Variants in XIRP2 observed in about 807,000 individuals in gnomAD.
XIRP2 encodes xin actin-binding repeat-containing protein 2.
Under a neutral mutation model 277.0 loss-of-function variants are expected in XIRP2, and 236 were observed. That is an observed-to-expected ratio of 0.85 (90% CI 0.77 to 0.95). The LOEUF is 0.95. Among genes scored for constraint, XIRP2 ranks in the 40% least tolerant of loss-of-function variants. The pLI, the probability that XIRP2 is intolerant of heterozygous loss-of-function variation, is 0.00. For synonymous variants in XIRP2, 1,490 were observed against 1,416.5 expected (o/e 1.05, Z -1.17); for missense variants, 4,640 against 4,157.5 (o/e 1.12, Z -3.19).
chr2:167,000,277 A>G (rs1389695417), intron 2 of XIRP2, among the ~76,000 whole-genome samples: 2 of 152,156 alleles, frequency 1.3e-5, no homozygotes, highest in Non-Finnish European at 2.9e-5. Flanking sequence ...TGAAGATCCA[A>G]AAAGGCCCAC....
chr2:167,062,561 T>C (rs1013919471), intron 2 of XIRP2, among the ~76,000 whole-genome samples: 1 of 152,290 alleles, frequency 6.6e-6, no homozygotes, highest in South Asian at 2.1e-4. Flanking sequence ...CCCTCTTCTG[T>C]TTCTGGGTAA....
intron 5 of XIRP2, among the ~76,000 whole-genome samples, chr2:167,225,533 C>G (rs899095233): frequency 1.3e-5 from 2 of 152,030 alleles, no homozygotes; most frequent in African/African-American, 4.8e-5. Flanking sequence ...AAATAAGGAC[C>G]CTTATTTGCC....
intron 2 of XIRP2, among the ~76,000 whole-genome samples, chr2:166,977,095 T>C (rs1686735373): frequency 6.6e-6 from 1 of 152,190 alleles, no homozygotes; most frequent in African/African-American, 2.4e-5. Context: ...AAGCAATGTG[T>C]GTTTGCTCTG....
At chr2:167,252,381 C>CA (rs1695539574) in intron 9 of XIRP2, among the ~76,000 whole-genome samples, 1 of 151,952 alleles carries the variant, frequency 6.6e-6, no homozygotes, top group Non-Finnish European at 1.5e-5. Context: ...GTCTGAGACA[C>CA]AATTTACATT....
intron 1 of XIRP2, among the ~76,000 whole-genome samples, chr2:166,890,130 G>T (rs1684065185): frequency 6.6e-6 from 1 of 151,772 alleles, no homozygotes. Context: ...TGAGTAGCTG[G>T]TATTACAGGC....
chr2:167,128,858 A>G (rs1231491545), intron 2 of XIRP2, among the ~76,000 whole-genome samples: 4 of 152,140 alleles, frequency 2.6e-5, no homozygotes, highest in Admixed American at 6.6e-5. Flanking sequence ...TTGAGGACCC[A>G]ACTTGCATCT....
At chr2:167,241,696 C>A (rs1695071355) in intron 7 of XIRP2, 81 bp from the exon 8 acceptor site, 10 of 1,460,340 alleles carry the variant, frequency 6.8e-6, no homozygotes, top group Non-Finnish European at 9.2e-6. Context: ...AGGAATGAGC[C>A]ACCATGCCCA....
intron 5 of XIRP2, among the ~76,000 whole-genome samples, chr2:167,218,819 A>T (rs1392432318): frequency 2.0e-5 from 3 of 151,988 alleles, no homozygotes; most frequent in African/African-American, 7.3e-5. Flanking sequence ...TCTTATATAA[A>T]TTTTTTTCCC....
intron 2 of XIRP2, among the ~76,000 whole-genome samples, chr2:166,910,006 C>T (rs971905020): frequency 1.2e-4 from 18 of 152,136 alleles, no homozygotes; most frequent in South Asian, 4.1e-4. Context: ...CTGCTGGATT[C>T]GGTTTGCCAG....
chr2:166,972,378 T>C (rs762827375), intron 2 of XIRP2, among the ~76,000 whole-genome samples: 3 of 152,176 alleles, frequency 2.0e-5, no homozygotes, highest in Non-Finnish European at 4.4e-5. Context: ...CATAAGTGTA[T>C]GAATAATTAG....
At chr2:167,052,910 G>A (rs1316553319) in intron 2 of XIRP2, among the ~76,000 whole-genome samples, 1 of 152,140 alleles carries the variant, frequency 6.6e-6, no homozygotes, top group Non-Finnish European at 1.5e-5. Context: ...CAAGCTTATT[G>A]AGTTATATGT....
intron 2 of XIRP2, among the ~76,000 whole-genome samples, chr2:166,930,834 A>G (rs1388189866): frequency 6.6e-6 from 1 of 152,136 alleles, no homozygotes; most frequent in Admixed American, 6.5e-5. Flanking sequence ...ATTCCCACTG[A>G]AAAAAGACGT....
chr2:166,930,278 T>A (rs560672582), intron 2 of XIRP2, among the ~76,000 whole-genome samples: 1 of 152,164 alleles, frequency 6.6e-6, no homozygotes, highest in African/African-American at 2.4e-5. Flanking sequence ...ATCAAACATA[T>A]GATTTACCAC....
chr2:167,045,347 A>C (rs906050396), intron 2 of XIRP2, among the ~76,000 whole-genome samples: 1 of 152,042 alleles, frequency 6.6e-6, no homozygotes, highest in Non-Finnish European at 1.5e-5. Flanking sequence ...GCCTAAGCAA[A>C]CATTTTATGA....
intron 2 of XIRP2, among the ~76,000 whole-genome samples, chr2:167,026,630 G>T (rs542288307): frequency 6.6e-6 from 1 of 152,228 alleles, no homozygotes; most frequent in East Asian, 1.9e-4. Flanking sequence ...TCCTTCAGGA[G>T]CTCTTTTAGG....
intron 3 of XIRP2, among the ~76,000 whole-genome samples, chr2:167,157,931 G>GA (rs1024474438): frequency 4.0e-5 from 6 of 151,388 alleles, no homozygotes; most frequent in East Asian, 1.9e-4. Flanking sequence ...TATTAAGAGT[G>GA]AAAAAAAAGT....
intron 3 of XIRP2, among the ~76,000 whole-genome samples, chr2:167,149,383 T>A (rs1220583995): frequency 1.3e-5 from 2 of 152,036 alleles, no homozygotes; most frequent in Non-Finnish European, 2.9e-5. Flanking sequence ...ACAATAAACA[T>A]AAGAAACAAG....
At chr2:167,102,700 G>A (rs530754458) in intron 2 of XIRP2, among the ~76,000 whole-genome samples, 9 of 152,218 alleles carry the variant, frequency 5.9e-5, no homozygotes, top group South Asian at 2.1e-4. Flanking sequence ...TCAAACAGCC[G>A]TAGGGACCAT....
chr2:167,207,701 C>A (rs1452944591), intron 3 of XIRP2, among the ~76,000 whole-genome samples: 1 of 152,130 alleles, frequency 6.6e-6, no homozygotes, highest in Non-Finnish European at 1.5e-5. Context: ...TCTCTAGTCA[C>A]ACAATTTCTC....
Sources: allele counts gnomAD v4.1 joint callset (sites outside exome capture counted in the v4.1 genomes callset), GRCh38; gene constraint gnomAD v4.1.1; transcripts MANE v1.5; gene names NCBI Gene and HGNC (gene_info 2026-07-23, HGNC 2026-07-21).